TMEM9: variants seen among roughly 807,000 people sequenced by gnomAD.
TMEM9 encodes the protein transmembrane protein 9.
TMEM9 carries 13 observed loss-of-function variants against 22.8 expected under a neutral mutation model. That is an observed-to-expected ratio of 0.57 (90% CI 0.37 to 0.91). TMEM9 has a LOEUF of 0.91. Among genes scored for constraint, TMEM9 ranks in the 40% least tolerant of loss-of-function variants. The pLI, the probability that TMEM9 is intolerant of heterozygous loss-of-function variation, is 0.01. For missense variants in TMEM9, 182 were observed against 238.1 expected, an observed-to-expected ratio of 0.76 and a Z score of 1.55; for synonymous variants, 88 against 93.0, an observed-to-expected ratio of 0.95 and a Z score of 0.31.
chr1:201,165,359 G>T (rs12079166), intron 1 of TMEM9, among the ~76,000 whole-genome samples: 2 of 151,100 alleles, frequency 1.3e-5, no homozygotes, highest in Non-Finnish European at 2.9e-5. Flanking sequence ...GGTGAATACA[G>T]AAAAAAGAGA....
At chr1:201,139,675 G>A (rs1664341065) in intron 4 of TMEM9, among the ~76,000 whole-genome samples, 1 of 152,182 alleles carries the variant, frequency 6.6e-6, no homozygotes, top group Non-Finnish European at 1.5e-5. Context: ...CTGCCCCTCA[G>A]GCTTCCCTCC....
At chr1:201,165,061 C>T (rs2102295442) in intron 1 of TMEM9, among the ~76,000 whole-genome samples, 1 of 150,972 alleles carries the variant, frequency 6.6e-6, no homozygotes, top group South Asian at 2.1e-4. Flanking sequence ...AAGGAAAGGA[C>T]AATGGGTAAC....
chr1:201,157,649 T>C (rs1665838214), upstream of TMEM9, among the ~76,000 whole-genome samples: 1 of 152,236 alleles, frequency 6.6e-6, no homozygotes, highest in Non-Finnish European at 1.5e-5. Context: ...TGGGGATATC[T>C]CAGTAAACAA....
rs1476041242 is a variant in TMEM9 at position 201,154,141 on chromosome 1, C to G, written c.-218G>C. On this transcript the variant is annotated 5_prime_UTR_variant, in exon 1 of 5. Transcript: ENST00000367330. ...CCCGCCCAACTCTCCGGCTCTCCGC[C>G]AGCCACCTGGTGAGCCCGGCAGAGG... 1 of 572,596 alleles carries G rather than the reference C, an allele frequency of 1.7e-6. No individual in the cohort carries two copies. The allele number at this position is 572,596 out of a possible 1,614,324, so 35.5% of individuals were successfully genotyped here. A position where few individuals can be genotyped will look rare whatever the true frequency, so the allele number is the denominator to read the frequency against.
chr1:201,139,576 C>G (rs1490925443), intron 4 of TMEM9, among the ~76,000 whole-genome samples: 1 of 152,150 alleles, frequency 6.6e-6, no homozygotes, highest in Admixed American at 6.5e-5. Context: ...CCTCACCTCC[C>G]CCCTTACCCC....
At chr1:201,156,421 C>T (rs16847903), upstream of TMEM9, among the ~76,000 whole-genome samples, 6,121 of 152,208 alleles carry the variant, frequency 0.04, 398 homozygotes, top group African/African-American at 0.14. Flanking sequence ...GCTCATTGCT[C>T]AATCCCTGGT....
intron 4 of TMEM9, among the ~76,000 whole-genome samples, chr1:201,138,431 T>C (rs1451885637): frequency 6.6e-6 from 1 of 151,830 alleles, no homozygotes; most frequent in Admixed American, 6.6e-5. Flanking sequence ...CAGCCCAGAG[T>C]GGGGCCTCAT....
At chr1:201,155,864 C>T (rs567546893), upstream of TMEM9, among the ~76,000 whole-genome samples, 86 of 152,266 alleles carry the variant, frequency 5.6e-4, no homozygotes, top group Non-Finnish European at 9.0e-4. Context: ...ATATGCAAAG[C>T]ACCTAGAACA....
At chr1:201,143,162 C>T (rs1388676604) in intron 4 of TMEM9, among the ~76,000 whole-genome samples, 2 of 152,230 alleles carry the variant, frequency 1.3e-5, no homozygotes, top group Admixed American at 1.3e-4. Context: ...AGTGGTTCCC[C>T]ACTTTCCTTG....
chr1:201,168,457 G>A (rs147577696), intron 1 of TMEM9, among the ~76,000 whole-genome samples: 1,627 of 152,264 alleles, frequency 0.011, 25 homozygotes, highest in Middle Eastern at 0.027. Context: ...GGTGGCTCAC[G>A]CCTGTAATCT....
At chr1:201,152,825 G>A (rs865880291) in intron 1 of TMEM9, among the ~76,000 whole-genome samples, 1 of 152,198 alleles carries the variant, frequency 6.6e-6, no homozygotes, top group Non-Finnish European at 1.5e-5. Context: ...AATGAGTGAC[G>A]GGCTTCTTGA....
intron 2 of TMEM9, among the ~76,000 whole-genome samples, chr1:201,148,110 G>C (rs1201863066): frequency 6.6e-6 from 1 of 152,226 alleles, no homozygotes; most frequent in Non-Finnish European, 1.5e-5. Flanking sequence ...CAAAGGAAGA[G>C]TAGACCCACT....
chr1:201,141,880 T>A (rs1041643107), intron 4 of TMEM9, among the ~76,000 whole-genome samples: 5 of 152,096 alleles, frequency 3.3e-5, no homozygotes, highest in Admixed American at 6.5e-5. Context: ...GCTCCCTGGC[T>A]AGGATGGCAG....
At chr1:201,161,757 A>G (rs1665952379) in intron 1 of TMEM9, among the ~76,000 whole-genome samples, 1 of 152,204 alleles carries the variant, frequency 6.6e-6, no homozygotes, top group Non-Finnish European at 1.5e-5. Flanking sequence ...CTAGAGTACC[A>G]AGGAACACAC....
chr1:201,148,692 C>T (rs6427883), intron 2 of TMEM9, among the ~76,000 whole-genome samples: 119,026 of 152,172 alleles, frequency 0.78, 46,575 homozygotes, highest in South Asian at 0.87. Context: ...GATATAAAGA[C>T]CATGTGTTGG....
intron 1 of TMEM9, 167 bp downstream of exon 1, chr1:201,153,691 G>A: frequency 6.6e-7 from 1 of 1,515,250 alleles, no homozygotes; most frequent in African/African-American, 1.4e-5. Flanking sequence ...CTATCCTTAG[G>A]GAGGCCAGCA....
upstream of TMEM9, among the ~76,000 whole-genome samples, chr1:201,155,150 G>A (rs775039217): frequency 2.2e-4 from 33 of 152,224 alleles, no homozygotes; most frequent in Non-Finnish European, 4.1e-4. Flanking sequence ...TGAATTCAGG[G>A]CACCAGACCC....
intron 4 of TMEM9, among the ~76,000 whole-genome samples, chr1:201,136,125 C>A (rs1266726442): frequency 6.6e-6 from 1 of 152,200 alleles, no homozygotes; most frequent in Non-Finnish European, 1.5e-5. Flanking sequence ...GTTACTGCCA[C>A]ACAGCTAGCT....
At chr1:201,153,465 A>C (rs557238941) in intron 1 of TMEM9, among the ~76,000 whole-genome samples, 67 of 152,332 alleles carry the variant, frequency 4.4e-4, no homozygotes, top group African/African-American at 1.6e-3. Context: ...TCAGGTTTAG[A>C]CTTAGGTCCC....
Sources: gnomAD v4.1 joint callset for allele counts (sites outside exome capture counted in the v4.1 genomes callset) on GRCh38, gnomAD v4.1.1 for gene constraint, MANE v1.5 for transcripts, NCBI Gene and HGNC (gene_info 2026-07-23, HGNC 2026-07-21) for gene names.